ESRRG: variants seen among roughly 807,000 people sequenced by gnomAD.
ESRRG encodes the protein estrogen related receptor gamma.
A neutral mutation model predicts 44.0 loss-of-function variants in ESRRG; 13 were observed. The ratio of observed to expected loss-of-function variants is 0.30; its 90% CI spans 0.19 to 0.47. The LOEUF is 0.47. Ranked by LOEUF, ESRRG falls within the 20% of genes least tolerant of loss-of-function variation. ESRRG has a pLI of 1.00. For missense variants in ESRRG, 395 were observed against 580.6 expected (o/e 0.68, Z 3.29); for synonymous variants, 215 against 214.6 (o/e 1.00, Z -0.02).
At chr1:216,765,656 A>T (rs1559550081) in intron 2 of ESRRG, among the ~76,000 whole-genome samples, 1 of 152,094 alleles carries the variant, frequency 6.6e-6, no homozygotes, top group Non-Finnish European at 1.5e-5. Context: ...AGAGGACATA[A>T]AGGTGCCTGG....
chr1:216,734,863 A>G (rs1328978354), intron 2 of ESRRG, among the ~76,000 whole-genome samples: 1 of 151,688 alleles, frequency 6.6e-6, no homozygotes, highest in Non-Finnish European at 1.5e-5. Context: ...TACCCTGTAA[A>G]TAAATTTTTA....
chr1:217,102,903 G>T (rs564151222), intron 1 of ESRRG, among the ~76,000 whole-genome samples: 1 of 152,304 alleles, frequency 6.6e-6, no homozygotes, highest in East Asian at 1.9e-4. Flanking sequence ...CTAAGCACAA[G>T]CTGAGAGGCT....
chr1:216,662,375 G>C (rs932589410), intron 2 of ESRRG, among the ~76,000 whole-genome samples: 1 of 151,976 alleles, frequency 6.6e-6, no homozygotes, highest in Non-Finnish European at 1.5e-5. Flanking sequence ...CATAAAAGAA[G>C]GTAAAACATT....
chr1:216,689,069 G>A (rs1050535301), intron 1 of ESRRG, among the ~76,000 whole-genome samples: 1 of 152,040 alleles, frequency 6.6e-6, no homozygotes, highest in Non-Finnish European at 1.5e-5. Flanking sequence ...ATAATAACTG[G>A]CATTCGCAAT....
chr1:216,709,712 G>T (rs1478420905), intron 1 of ESRRG, among the ~76,000 whole-genome samples: 5 of 151,380 alleles, frequency 3.3e-5, no homozygotes, highest in Non-Finnish European at 7.4e-5. Flanking sequence ...AAAATTGGAG[G>T]GAGTATGTAT....
chr1:217,003,790 T>C (rs59658284), intron 1 of ESRRG, among the ~76,000 whole-genome samples: 2,687 of 151,962 alleles, frequency 0.018, 72 homozygotes, highest in African/African-American at 0.054. Context: ...AGGTCAGATA[T>C]GAGACTTATT....
intron 1 of ESRRG, among the ~76,000 whole-genome samples, chr1:216,983,170 T>G (rs1579041537): frequency 6.6e-6 from 1 of 152,084 alleles, no homozygotes; most frequent in Non-Finnish European, 1.5e-5. Flanking sequence ...TTTATAGCTA[T>G]TATTAGAATT....
At chr1:217,084,557 G>A (rs2091963685) in intron 1 of ESRRG, among the ~76,000 whole-genome samples, 1 of 152,128 alleles carries the variant, frequency 6.6e-6, no homozygotes, top group Non-Finnish European at 1.5e-5. Context: ...GAATAGGAAT[G>A]CAAAAGTTTT....
At chr1:216,574,485 A>G (rs2061355039) in intron 3 of ESRRG, among the ~76,000 whole-genome samples, 2 of 152,150 alleles carry the variant, frequency 1.3e-5, no homozygotes, top group Non-Finnish European at 1.5e-5. Context: ...GTCCAAAGTC[A>G]AAAGTATTTT....
chr1:216,824,842 G>C (rs184827770), intron 2 of ESRRG, among the ~76,000 whole-genome samples: 307 of 152,320 alleles, frequency 2.0e-3, no homozygotes, highest in African/African-American at 6.7e-3. Flanking sequence ...ATGAAGATGG[G>C]AAGTAACGAA....
Position 216,567,986 on chromosome 1 carries a change from A to G in ESRRG, c.700+2T>C. On this transcript the variant is annotated splice_donor_variant, in intron 4 of 6. Transcript: ENST00000408911. LOFTEE classifies it high-confidence loss of function. ...GAAGCCAGACACATCTGCTGTACTT[A>G]CATGGCTTTTTGGCTGGCTGAACCA... 6.2e-7 allele frequency: 1 copy of G among 1,601,384 alleles called. No individual in the cohort carries two copies. Among genetic ancestry groups the G allele is most frequent in the South Asian group, 1.1e-5 (1 of 90,766 alleles).
At chr1:217,041,616 A>C (rs1452644426) in intron 1 of ESRRG, among the ~76,000 whole-genome samples, 1 of 152,196 alleles carries the variant, frequency 6.6e-6, no homozygotes, top group Non-Finnish European at 1.5e-5. Flanking sequence ...CAGTCACCAC[A>C]ACAAGCCCAG....
At chr1:216,979,184 A>G (rs934543944) in intron 1 of ESRRG, among the ~76,000 whole-genome samples, 2 of 151,980 alleles carry the variant, frequency 1.3e-5, no homozygotes, top group African/African-American at 2.4e-5. Flanking sequence ...CACTGGCCCT[A>G]TCTTCTTCTG....
intron 2 of ESRRG, among the ~76,000 whole-genome samples, chr1:216,840,091 A>G (rs1221704875): frequency 6.6e-6 from 1 of 152,178 alleles, no homozygotes; most frequent in African/African-American, 2.4e-5. Flanking sequence ...ATTAATAGCT[A>G]GGAAAATCCT....
intron 3 of ESRRG, among the ~76,000 whole-genome samples, chr1:216,649,166 A>C (rs2068335331): frequency 6.6e-6 from 1 of 152,120 alleles, no homozygotes; most frequent in Non-Finnish European, 1.5e-5. Flanking sequence ...GCAATTTCAC[A>C]TAAGTTTTCT....
In ESRRG at chr1:216,999,932, G is replaced by A. The variant is rs143944694; in HGVS notation, c.-105-60259C>T. 5.8e-4 allele frequency among the ~76,000 whole-genome samples: 88 copies of A among 152,250 alleles called. No individual in the cohort carries two copies. In the Middle Eastern group the frequency reaches 0.014, roughly 24 times the overall value. ...AAAAGGGGAAACTCTTTATGCTTCT[G>A]TTCCAATTCTCAAACAGTATCTACT... On this transcript the variant is annotated intron_variant, in intron 1 of 7. Transcript: ENST00000359162.
rs148425897 is a variant in ESRRG at position 217,119,439 on chromosome 1, C to G, written c.-230+18228G>C. Among the ~76,000 whole-genome samples, 1,297 of 152,302 alleles carry G rather than the reference C, an allele frequency of 8.5e-3. 19 individuals carry two copies. The highest frequency in any genetic ancestry group is 0.029 in the African/African-American group (1,212 of 41,550). ...ATGGACCATGTAAATCTGAATCCCT[C>G]TCTACATCTGCCCTAACGACTGAAT... is the stretch of plus-strand genomic sequence containing the variant. On this transcript the variant is annotated intron_variant, in intron 1 of 8. Coordinates refer to the ESRRG transcript ENST00000366940.
At chr1:216,770,173 T>G (rs2152388867) in intron 2 of ESRRG, among the ~76,000 whole-genome samples, 1 of 152,164 alleles carries the variant, frequency 6.6e-6, no homozygotes. Context: ...CTGGTGAGTC[T>G]TTTGGTGGGC....
chr1:216,975,228 GC>G (rs1319036524), intron 1 of ESRRG, among the ~76,000 whole-genome samples: 1 of 152,150 alleles, frequency 6.6e-6, no homozygotes, highest in African/African-American at 2.4e-5. Context: ...TGCTTTATCA[GC>G]CAAGGAACAA....
Sources: gnomAD v4.1 joint callset for allele counts (sites outside exome capture counted in the v4.1 genomes callset) on GRCh38, gnomAD v4.1.1 for gene constraint, MANE v1.5 for transcripts, NCBI Gene and HGNC (gene_info 2026-07-23, HGNC 2026-07-21) for gene names.